The following CD8B variants were observed in gnomAD, a reference collection of about 807,000 sequenced individuals.
The protein encoded by CD8B is CD8 subunit beta, also known as T-cell surface glycoprotein CD8 beta chain.
In CD8B, 6 loss-of-function variants were observed where a neutral mutation model predicts 24.2. That is an observed-to-expected ratio of 0.25 (90% confidence interval 0.14 to 0.49). The LOEUF (loss-of-function observed/expected upper bound fraction) is 0.49, where lower values mean the gene tolerates loss of function less well. Ranked by LOEUF, CD8B falls within the 20% of genes least tolerant of loss-of-function variation. The pLI, the probability that CD8B is intolerant of heterozygous loss-of-function variation, is 0.98. For missense variants in CD8B, 196 were observed against 271.3 expected (o/e 0.72, Z 1.95); for synonymous variants, 84 against 108.3 (o/e 0.78, Z 1.39).
intron 1 of CD8B, among the ~76,000 whole-genome samples, chr2:86,860,724 G>T (rs951648311): frequency 8.5e-5 from 13 of 152,208 alleles, no homozygotes; most frequent in Admixed American, 2.6e-4. Context: ...ACACAGTGGG[G>T]CTGCAAGTAC....
In CD8B at chr2:86,842,059, C is replaced by G. The variant is rs1263209663; in HGVS notation, c.*248G>C. The G allele has an allele frequency of 2.5e-5, 32 of 1,264,242 alleles. No homozygotes were observed. The highest frequency in any genetic ancestry group is 3.0e-5 in the Non-Finnish European group (30 of 999,240). 78.3% of individuals were successfully genotyped at this position (1,264,242 alleles called of 1,614,324 possible). On this transcript the variant is annotated 3_prime_UTR_variant, in exon 6 of 6. Coordinates refer to ENST00000390655, the MANE Select transcript of CD8B (RefSeq NM_004931.5). ...GCATGGGCAGCATTTCTTACTCAGT[C>G]CTCCAGCACACTCTGTGAAGTGCCC...
At chr2:86,815,856 G>A in intron 5 of CD8B, 1 of 663,530 alleles carries the variant, frequency 1.5e-6, no homozygotes, top group Non-Finnish European at 2.7e-6. Flanking sequence ...AAAGAGCCAG[G>A]CATATAGCAC....
intron 3 of CD8B, among the ~76,000 whole-genome samples, chr2:86,852,380 T>C (rs1432598272): frequency 1.3e-5 from 2 of 152,194 alleles, no homozygotes; most frequent in Non-Finnish European, 2.9e-5. Context: ...TACAATGTCA[T>C]GGTTTTTAGT....
At chr2:86,834,147 C>T (rs1675072015), downstream of CD8B, among the ~76,000 whole-genome samples, 1 of 152,018 alleles carries the variant, frequency 6.6e-6, no homozygotes, top group South Asian at 2.1e-4. Context: ...GGGACCCATT[C>T]CCAGGAGTGC....
At chr2:86,832,999 CCTCTT>C (rs757517892) in intron 5 of CD8B, 5 of 339,446 alleles carry the variant, frequency 1.5e-5, no homozygotes, top group Admixed American at 3.3e-5. Flanking sequence ...TCTCTCCTCT[CCTCTT>C]CTCTCTCTCC....
At chr2:86,835,657 G>A (rs1402582237), downstream of CD8B, among the ~76,000 whole-genome samples, 124 of 150,778 alleles carry the variant, frequency 8.2e-4, no homozygotes, top group African/African-American at 2.8e-3. Flanking sequence ...GGGAAGAGGA[G>A]CCTCCACCCC....
rs1466870178 is a variant in CD8B, at chr2:86,858,817, T to C, written c.44-401A>G. On this transcript the variant is annotated intron_variant, in intron 1 of 5. Coordinates refer to ENST00000390655, the MANE Select transcript of CD8B (RefSeq NM_004931.5). ...TGGCTACTCACAGGCACTATCATAGTACACTTCAGCCTTGACCTCCTGGGC... is the reference window on the plus strand; with the variant it reads ...TGGCTACTCACAGGCACTATCATAGCACACTTCAGCCTTGACCTCCTGGGC... Among the ~76,000 whole-genome samples the C allele has an allele frequency of 2.0e-5, 3 of 151,398 alleles. No individual in the cohort carries two copies. In the East Asian group the frequency reaches 5.9e-4, roughly 30 times the overall value.
intron 2 of CD8B, among the ~76,000 whole-genome samples, chr2:86,853,534 A>G: frequency 6.6e-6 from 1 of 151,982 alleles, no homozygotes; most frequent in Non-Finnish European, 1.5e-5. Context: ...CAGGGCTTGA[A>G]GGTCACAGAG....
At chr2:86,821,797 C>T (rs969520373) in intron 5 of CD8B, 9 of 396,048 alleles carry the variant, frequency 2.3e-5, no homozygotes, top group African/African-American at 1.4e-4. Context: ...CAAACCCCGT[C>T]CTCTCCAAAG....
At chr2:86,842,791 T>C (rs1675496834) in intron 5 of CD8B, among the ~76,000 whole-genome samples, 1 of 152,190 alleles carries the variant, frequency 6.6e-6, no homozygotes, top group South Asian at 2.1e-4. Flanking sequence ...AACCCTTTTG[T>C]TCAAATGACA....
Position 86,841,598 on chromosome 2 carries a change from T to C in CD8B, c.*709A>G. The C allele has an allele frequency of 1.0e-6, 1 of 985,136 alleles. No individual in the cohort carries two copies. The highest frequency in any genetic ancestry group is 4.7e-5 in the South Asian group (1 of 21,276). The allele number at this position is 985,136 out of a possible 1,614,324, so 61.0% of individuals were successfully genotyped here. Reference sequence around the variant, plus strand: ...CAGGAGCCGTTTGTTATCTTTAACCTGGGACTTTATTTGTACAACTAAGAC... The same window carrying C: ...CAGGAGCCGTTTGTTATCTTTAACCCGGGACTTTATTTGTACAACTAAGAC... On this transcript the variant is annotated 3_prime_UTR_variant, in exon 6 of 6. Transcript: ENST00000390655.
chr2:86,833,236 C>A (rs62146088), downstream of CD8B, among the ~76,000 whole-genome samples: 47,257 of 147,756 alleles, frequency 0.32, 8,079 homozygotes, highest in Non-Finnish European at 0.39. Flanking sequence ...ACTCTGTTGC[C>A]CAGGCTGGAG....
Position 86,852,121 on chromosome 2 carries a change from C to T in CD8B, c.493+876G>A, listed in dbSNP as rs1457921324. Among the ~76,000 whole-genome samples the T allele has an allele frequency of 2.0e-4, 31 of 152,294 alleles. No homozygotes were observed. The East Asian group carries it at 3.5e-3, about 17-fold the overall frequency. On this transcript the variant is annotated intron_variant, in intron 3 of 5. Transcript: ENST00000390655. The stretch of plus-strand genomic sequence containing the variant: ...CTGGGACTACAGGCATGTGCCACCA[C>T]GCCCAGCTAATTTTTTTACATTTTC...
At chr2:86,854,605 C>A (rs1238780090) in intron 2 of CD8B, among the ~76,000 whole-genome samples, 1 of 152,060 alleles carries the variant, frequency 6.6e-6, no homozygotes, top group Non-Finnish European at 1.5e-5. Context: ...TTGGGAGGGG[C>A]AGTGGGCCAG....
intron 5 of CD8B, among the ~76,000 whole-genome samples, chr2:86,826,047 C>A (rs574918781): frequency 6.6e-6 from 1 of 152,234 alleles, no homozygotes; most frequent in East Asian, 1.9e-4. Flanking sequence ...CAAGCAGGCT[C>A]AGGTGCCCGT....
chr2:86,826,912 C>T (rs1209515134), intron 5 of CD8B, among the ~76,000 whole-genome samples: 2 of 151,498 alleles, frequency 1.3e-5, no homozygotes, highest in African/African-American at 4.9e-5. Flanking sequence ...ACCTCTGCCT[C>T]TCGGGTTCAA....
chr2:86,816,405 C>G (rs1017322639), intron 5 of CD8B, among the ~76,000 whole-genome samples: 2 of 152,144 alleles, frequency 1.3e-5, no homozygotes, highest in African/African-American at 2.4e-5. Context: ...AAATGCCAAC[C>G]AGATTTTGCT....
At chr2:86,833,433 C>T (rs1321725378), downstream of CD8B, among the ~76,000 whole-genome samples, 1 of 151,442 alleles carries the variant, frequency 6.6e-6, no homozygotes, top group South Asian at 2.1e-4. Context: ...CCCACCTTGG[C>T]CTCCCGAAGT....
chr2:86,820,159 GA>G (rs1393918979), intron 5 of CD8B, among the ~76,000 whole-genome samples: 1 of 152,214 alleles, frequency 6.6e-6, no homozygotes, highest in Non-Finnish European at 1.5e-5. Flanking sequence ...AAGATGGTGT[GA>G]ACATTGTTGA....
Sources: gnomAD v4.1 joint callset for allele counts (sites outside exome capture counted in the v4.1 genomes callset) on GRCh38, gnomAD v4.1.1 for gene constraint, MANE v1.5 for transcripts, NCBI Gene and HGNC (gene_info 2026-07-23, HGNC 2026-07-21) for gene names.